UGGT2: variants seen among roughly 807,000 people sequenced by gnomAD.
UGGT2 encodes the protein UDP-glucose glycoprotein glucosyltransferase 2.
UGGT2 carries 180 observed loss-of-function variants against 192.1 expected under a neutral mutation model. The ratio of observed to expected loss-of-function variants is 0.94; its 90% CI spans 0.83 to 1.06. UGGT2 has a LOEUF of 1.06. UGGT2 is among the 50% of genes least tolerant of loss of function. The pLI, the probability that UGGT2 is intolerant of heterozygous loss-of-function variation, is 0.00. For synonymous variants in UGGT2, 580 were observed against 591.0 expected (o/e 0.98, Z 0.27); for missense variants, 1,849 against 1,795.7 (o/e 1.03, Z -0.54).
intron 7 of UGGT2, among the ~76,000 whole-genome samples, chr13:95,992,498 T>C (rs2051489394): frequency 6.6e-6 from 1 of 152,186 alleles, no homozygotes; most frequent in African/African-American, 2.4e-5. Flanking sequence ...TTGAACATTA[T>C]TGGCTTTTAG....
intron 10 of UGGT2, among the ~76,000 whole-genome samples, chr13:95,974,580 T>G (rs1057041743): frequency 2.0e-5 from 3 of 152,192 alleles, no homozygotes; most frequent in African/African-American, 7.2e-5. Flanking sequence ...GAGAAGAGGT[T>G]TGCCTATCAG....
chr13:95,875,699 A>C (rs1323644828), intron 29 of UGGT2, among the ~76,000 whole-genome samples: 8 of 152,174 alleles, frequency 5.3e-5, no homozygotes, highest in Admixed American at 5.2e-4. Context: ...CTCTAATGTC[A>C]ATGCTGACTT....
intron 12 of UGGT2, among the ~76,000 whole-genome samples, chr13:95,958,202 A>G (rs1312110832): frequency 6.6e-6 from 1 of 151,840 alleles, no homozygotes; most frequent in Non-Finnish European, 1.5e-5. Context: ...CCCAGGCTGG[A>G]ATGCAGTGGC....
chr13:96,010,250 T>C (rs928367510), intron 5 of UGGT2, among the ~76,000 whole-genome samples: 1 of 152,146 alleles, frequency 6.6e-6, no homozygotes, highest in Non-Finnish European at 1.5e-5. Context: ...TGCCCATCAA[T>C]AGTAAAATGG....
chr13:95,811,322 A>T (rs1037111167), intron 38 of UGGT2, among the ~76,000 whole-genome samples: 2 of 152,346 alleles, frequency 1.3e-5, no homozygotes, highest in South Asian at 4.1e-4. Context: ...AATATATTTT[A>T]ACAGCATAAT....
intron 38 of UGGT2, among the ~76,000 whole-genome samples, chr13:95,810,446 T>C (rs907786185): frequency 3.3e-5 from 5 of 152,238 alleles, no homozygotes; most frequent in African/African-American, 1.2e-4. Flanking sequence ...TTTGTGTGCA[T>C]ACATTTATCA....
intron 38 of UGGT2, among the ~76,000 whole-genome samples, chr13:95,811,027 G>C (rs1884555535): frequency 6.6e-6 from 1 of 152,162 alleles, no homozygotes; most frequent in South Asian, 2.1e-4. Flanking sequence ...TTTGCCATCA[G>C]GGAAATGCAA....
intron 17 of UGGT2, among the ~76,000 whole-genome samples, chr13:95,934,828 G>T (rs1446642564): frequency 6.6e-6 from 1 of 152,014 alleles, no homozygotes; most frequent in Non-Finnish European, 1.5e-5. Flanking sequence ...TTTTATTTTT[G>T]TCTGACTGGG....
intron 38 of UGGT2, among the ~76,000 whole-genome samples, chr13:95,811,436 A>G (rs1884578462): frequency 6.6e-6 from 1 of 152,190 alleles, no homozygotes; most frequent in South Asian, 2.1e-4. Flanking sequence ...GTAGTACTTT[A>G]TAGATCAGTT....
intron 15 of UGGT2, among the ~76,000 whole-genome samples, chr13:95,945,259 CTTAA>C (rs1409474363): frequency 1.3e-5 from 2 of 152,008 alleles, no homozygotes; most frequent in Non-Finnish European, 2.9e-5. Context: ...CTTCAAATTA[CTTAA>C]TTGAGATAAG....
At chr13:95,896,565 G>C (rs1206497638) in intron 22 of UGGT2, among the ~76,000 whole-genome samples, 1 of 151,998 alleles carries the variant, frequency 6.6e-6, no homozygotes, top group Admixed American at 6.6e-5. Context: ...AGTTTTGTTA[G>C]TAACATTAGA....
At chr13:95,933,528 G>A (rs1331180894) in intron 17 of UGGT2, among the ~76,000 whole-genome samples, 1 of 151,958 alleles carries the variant, frequency 6.6e-6, no homozygotes, top group African/African-American at 2.4e-5. Context: ...CTGATTCATT[G>A]TATAAATTTT....
chr13:95,918,708 G>C (rs144667966), intron 20 of UGGT2, among the ~76,000 whole-genome samples: 1 of 152,080 alleles, frequency 6.6e-6, no homozygotes, highest in East Asian at 1.9e-4. Flanking sequence ...CCAACAACAA[G>C]TTCTGAAACT....
chr13:95,958,237 C>T (rs1325876074), intron 12 of UGGT2, among the ~76,000 whole-genome samples: 3 of 152,084 alleles, frequency 2.0e-5, no homozygotes, highest in Non-Finnish European at 4.4e-5. Context: ...CTGCAAGCTC[C>T]GCCTCCTAGG....
At chr13:96,017,358 C>G (rs1324476263) in intron 4 of UGGT2, among the ~76,000 whole-genome samples, 1 of 152,170 alleles carries the variant, frequency 6.6e-6, no homozygotes, top group African/African-American at 2.4e-5. Flanking sequence ...CAGGGGCCCC[C>G]CTTACTCTCT....
chr13:95,879,791 T>A (rs2140173501), intron 27 of UGGT2, among the ~76,000 whole-genome samples: 1 of 152,402 alleles, frequency 6.6e-6, no homozygotes, highest in African/African-American at 2.4e-5. Flanking sequence ...TTGATGCTTA[T>A]GTTTCCATCT....
intron 10 of UGGT2, among the ~76,000 whole-genome samples, chr13:95,973,854 C>T (rs1423861073): frequency 6.6e-6 from 1 of 152,184 alleles, no homozygotes. Context: ...ATATCTATCT[C>T]ACATGTTTGC....
At chr13:96,050,901 AACC>A (rs2053466295) in intron 1 of UGGT2, among the ~76,000 whole-genome samples, 1 of 152,230 alleles carries the variant, frequency 6.6e-6, no homozygotes, top group African/African-American at 2.4e-5. Context: ...AAACTAGTTC[AACC>A]ATTGTGGAAG....
At chr13:95,996,966 C>A (rs1278692986) in intron 6 of UGGT2, among the ~76,000 whole-genome samples, 1 of 152,074 alleles carries the variant, frequency 6.6e-6, no homozygotes, top group Non-Finnish European at 1.5e-5. Flanking sequence ...GTGAAGGGTG[C>A]TTTAGGATCA....
Sources: allele counts gnomAD v4.1 joint callset (sites outside exome capture counted in the v4.1 genomes callset), GRCh38; gene constraint gnomAD v4.1.1; transcripts MANE v1.5; gene names NCBI Gene and HGNC (gene_info 2026-07-23, HGNC 2026-07-21).